The following MCTP1 variants were observed in gnomAD, a reference collection of about 807,000 sequenced individuals.
MCTP1 encodes the protein multiple C2 and transmembrane domain-containing protein 1.
A neutral mutation model predicts 120.6 loss-of-function variants in MCTP1; 69 were observed. The ratio of observed to expected loss-of-function variants is 0.57; its 90% CI spans 0.47 to 0.70. The LOEUF is 0.70. MCTP1 is among the 30% of genes least tolerant of loss of function. The pLI is 0.00. For missense variants in MCTP1, 1,203 were observed against 1,248.8 expected, an observed-to-expected ratio of 0.96 and a Z score of 0.55; for synonymous variants, 529 against 493.1, an observed-to-expected ratio of 1.07 and a Z score of -0.96.
intron 19 of MCTP1, among the ~76,000 whole-genome samples, chr5:94,750,155 C>T (rs1767952764): frequency 6.6e-6 from 1 of 152,160 alleles, no homozygotes; most frequent in Non-Finnish European, 1.5e-5. Context: ...AGAGTACATC[C>T]CACCTTATGC....
chr5:94,873,430 G>A (rs1798197644), intron 12 of MCTP1, among the ~76,000 whole-genome samples, 189 bp from the exon 13 acceptor site: 1 of 151,980 alleles, frequency 6.6e-6, no homozygotes, highest in South Asian at 2.1e-4. Context: ...GTTAGCAATT[G>A]TTATGATTCA....
chr5:95,139,265 A>G lies in MCTP1; in HGVS notation c.721-121781T>C, dbSNP rs76993606. The stretch of plus-strand genomic sequence containing the variant: ...AACAAAGAAAATAGAGCTGAATTAT[A>G]TTATTCTTAATGTCTTTGTAATCTA... On this transcript the variant is annotated intron_variant, in intron 1 of 22. Coordinates refer to ENST00000515393, the MANE Select transcript of MCTP1 (RefSeq NM_024717.7). Among the ~76,000 whole-genome samples the G allele has an allele frequency of 3.1e-4, 47 of 152,372 alleles. No homozygotes were observed. The East Asian group carries it at 8.5e-3, about 27-fold the overall frequency.
intron 7 of MCTP1, among the ~76,000 whole-genome samples, chr5:94,922,371 C>T (rs1484618166): frequency 6.6e-6 from 1 of 152,154 alleles, no homozygotes; most frequent in Admixed American, 6.5e-5. Context: ...TTATGAAGTT[C>T]GCCCTGGTGA....
intron 1 of MCTP1, among the ~76,000 whole-genome samples, chr5:95,026,935 A>G (rs1480964254): frequency 3.3e-5 from 5 of 152,350 alleles, no homozygotes; most frequent in Admixed American, 2.0e-4. Flanking sequence ...ACCAGTTTCT[A>G]CTTAGTCATC....
intron 1 of MCTP1, among the ~76,000 whole-genome samples, chr5:95,125,868 T>C (rs1289526146): frequency 6.6e-6 from 1 of 152,224 alleles, no homozygotes; most frequent in Non-Finnish European, 1.5e-5. Flanking sequence ...ATTGACCTAA[T>C]TTGTACATAT....
intron 18 of MCTP1, among the ~76,000 whole-genome samples, chr5:94,796,632 T>A (rs1102831): frequency 0.034 from 2,532 of 74,856 alleles, 38 homozygotes; most frequent in African/African-American, 0.056. Context: ...TAATATATAT[T>A]ATATATGTAA....
chr5:94,946,229 G>A (rs937886705), intron 3 of MCTP1, among the ~76,000 whole-genome samples: 1 of 152,128 alleles, frequency 6.6e-6, no homozygotes, highest in African/African-American at 2.4e-5. Context: ...GGCCTGCCAG[G>A]ACATCCAGAG....
chr5:94,907,703 T>C (rs1038473622), intron 10 of MCTP1, among the ~76,000 whole-genome samples: 2 of 151,986 alleles, frequency 1.3e-5, no homozygotes, highest in Non-Finnish European at 2.9e-5. Flanking sequence ...TCAGTCCCAA[T>C]TGGCCTGAGA....
intron 17 of MCTP1, among the ~76,000 whole-genome samples, chr5:94,830,967 T>C (rs138642109): frequency 6.6e-5 from 10 of 152,310 alleles, no homozygotes; most frequent in Non-Finnish European, 1.5e-4. Flanking sequence ...AGGTAATGGA[T>C]GTGCACATGC....
At chr5:94,806,610 A>C (rs910646959) in intron 17 of MCTP1, among the ~76,000 whole-genome samples, 4 of 152,330 alleles carry the variant, frequency 2.6e-5, no homozygotes, top group African/African-American at 9.6e-5. Flanking sequence ...AGTGCGACAC[A>C]TGACAGTATC....
intron 1 of MCTP1, among the ~76,000 whole-genome samples, chr5:95,064,240 T>C (rs1750020454): frequency 6.6e-6 from 1 of 152,188 alleles, no homozygotes; most frequent in South Asian, 2.1e-4. Flanking sequence ...AACTGACAAC[T>C]ACAATCTAAA....
chr5:95,262,987 A>G (rs921100229), intron 1 of MCTP1, among the ~76,000 whole-genome samples: 5 of 152,056 alleles, frequency 3.3e-5, no homozygotes, highest in African/African-American at 1.2e-4. Context: ...ACTACAAGTG[A>G]CTCCTGCTTA....
chr5:95,115,478 T>A (rs1176351585), intron 1 of MCTP1, among the ~76,000 whole-genome samples: 1 of 151,842 alleles, frequency 6.6e-6, no homozygotes, highest in African/African-American at 2.4e-5. Flanking sequence ...AGTTGAAAAA[T>A]GCAATTGGCA....
chr5:95,098,813 A>G (rs1756478030), intron 1 of MCTP1, among the ~76,000 whole-genome samples: 1 of 151,870 alleles, frequency 6.6e-6, no homozygotes, highest in Non-Finnish European at 1.5e-5. Flanking sequence ...CACATTGCCA[A>G]GTCAATCCTA....
Position 95,029,695 on chromosome 5 carries a change from C to T in MCTP1, c.721-12211G>A, listed in dbSNP as rs148444890. ...CAGACTGTTGGGGAACCCCTCTGAC[C>T]TTGTGACTCAGGGCAATGCTATCTG... is the stretch of plus-strand genomic sequence containing the variant. On this transcript the variant is annotated intron_variant, in intron 1 of 22. Coordinates refer to ENST00000515393, the MANE Select transcript of MCTP1 (RefSeq NM_024717.7). 5.3e-5 allele frequency among the ~76,000 whole-genome samples: 8 copies of T among 152,278 alleles called. No homozygotes were observed. The East Asian group carries it at 1.4e-3, about 26-fold the overall frequency.
chr5:95,218,552 A>G (rs1753300185), intron 1 of MCTP1, among the ~76,000 whole-genome samples: 2 of 152,220 alleles, frequency 1.3e-5, no homozygotes, highest in Non-Finnish European at 2.9e-5. Flanking sequence ...TCAGTTTGGT[A>G]CTAGTAGGCC....
chr5:94,918,944 G>C lies in MCTP1; in HGVS notation c.1273-971C>G, dbSNP rs536607399. 7.9e-5 allele frequency among the ~76,000 whole-genome samples: 12 copies of C among 152,280 alleles called. No individual in the cohort carries two copies. In the South Asian group the frequency reaches 2.1e-3, roughly 26 times the overall value. ...CTAGAGATTGGCAAGGCTGAGATTT[G>C]AATCTAGAGTTGCTGAGACCTAATC... On this transcript the variant is annotated intron_variant, in intron 7 of 22. Coordinates refer to ENST00000515393, the MANE Select transcript of MCTP1 (RefSeq NM_024717.7).
intron 1 of MCTP1, among the ~76,000 whole-genome samples, chr5:95,143,373 T>G (rs1045937254): frequency 6.6e-6 from 1 of 152,166 alleles, no homozygotes; most frequent in South Asian, 2.1e-4. Context: ...TAAATAAAAT[T>G]TCTAGGAGCC....
At chr5:95,043,423 C>T (rs898297822) in intron 1 of MCTP1, among the ~76,000 whole-genome samples, 2 of 152,118 alleles carry the variant, frequency 1.3e-5, no homozygotes, top group African/African-American at 4.8e-5. Context: ...TTTCCTCTTT[C>T]TTGAAGCCCA....
Sources: gnomAD v4.1 joint callset for allele counts (sites outside exome capture counted in the v4.1 genomes callset) on GRCh38, gnomAD v4.1.1 for gene constraint, MANE v1.5 for transcripts, NCBI Gene and HGNC (gene_info 2026-07-23, HGNC 2026-07-21) for gene names.